The following SLBP variants were observed in gnomAD, a reference collection of about 807,000 sequenced individuals.
SLBP encodes the protein histone RNA hairpin-binding protein.
In SLBP, 29 loss-of-function variants were observed where a neutral mutation model predicts 39.2. That is an observed-to-expected ratio of 0.74 (90% CI 0.55 to 1.01). The LOEUF (loss-of-function observed/expected upper bound fraction) is 1.01, where lower values mean the gene tolerates loss of function less well. Among genes scored for constraint, SLBP ranks in the 50% least tolerant of loss-of-function variants. The probability of loss-of-function intolerance (pLI) is 0.00; values close to 1 mark genes in which losing one functional copy is unlikely to be tolerated. For synonymous variants in SLBP, 129 were observed against 118.7 expected (o/e 1.09, Z -0.57); for missense variants, 390 against 350.2 (o/e 1.11, Z -0.91).
chr4:1,710,945 G>A (rs1716740018), intron 2 of SLBP, among the ~76,000 whole-genome samples: 2 of 151,826 alleles, frequency 1.3e-5, no homozygotes. Flanking sequence ...TAGCTGCTGG[G>A]GAGGCTGAGG....
intron 2 of SLBP, among the ~76,000 whole-genome samples, chr4:1,711,641 G>A (rs1716776195): frequency 6.6e-6 from 1 of 152,206 alleles, no homozygotes; most frequent in South Asian, 2.1e-4. Flanking sequence ...GGCTAACTCG[G>A]GCTGACGCCG....
intron 5 of SLBP, among the ~76,000 whole-genome samples, chr4:1,696,650 C>T (rs919658381): frequency 6.6e-6 from 1 of 152,106 alleles, no homozygotes; most frequent in Non-Finnish European, 1.5e-5. Flanking sequence ...ATAATCCTAG[C>T]ATTTTGGGAG....
chr4:1,700,278 AAAAAAG>A, intron 3 of SLBP, among the ~76,000 whole-genome samples: 1 of 152,250 alleles, frequency 6.6e-6, no homozygotes, highest in Non-Finnish European at 1.5e-5. Flanking sequence ...GGCAGCCTTA[AAAAAAG>A]AAAAACAAAA....
chr4:1,704,926 CTTTT>C (rs111864211), intron 2 of SLBP, among the ~76,000 whole-genome samples: 2 of 146,924 alleles, frequency 1.4e-5, no homozygotes, highest in African/African-American at 5.0e-5. Flanking sequence ...CTGACCCATT[CTTTT>C]TTTTTTTTCT....
rs1469506871 is a variant in SLBP, at chr4:1,712,189, G to C, written c.-1C>G. 21 of 1,246,942 alleles carry C rather than the reference G, an allele frequency of 1.7e-5. No homozygotes were observed. The highest frequency in any genetic ancestry group is 2.1e-5 in the Non-Finnish European group (21 of 1,000,802). 77.2% of individuals were successfully genotyped at this position (1,246,942 alleles called of 1,614,324 possible). A position where few individuals can be genotyped will look rare whatever the true frequency, so the allele number is the denominator to read the frequency against. ...GCGGGCTTCGCGGGCGGCAGGCCAT[G>C]GCAGCACGGGCCGGGCGCGCAGCGC... On this transcript the variant is annotated 5_prime_UTR_variant, in exon 1 of 8. Transcript: ENST00000489418.
chr4:1,705,165 G>A (rs1039177336), intron 2 of SLBP, among the ~76,000 whole-genome samples: 2 of 152,138 alleles, frequency 1.3e-5, no homozygotes, highest in Non-Finnish European at 2.9e-5. Context: ...GACCTCAGGT[G>A]ATCCACCTGC....
At chr4:1,702,252 A>T (rs1716356277) in intron 3 of SLBP, among the ~76,000 whole-genome samples, 1 of 152,236 alleles carries the variant, frequency 6.6e-6, no homozygotes, top group Non-Finnish European at 1.5e-5. Context: ...TAAATGCAAT[A>T]ATTCACTAAA....
rs185357746 is a variant in SLBP at position 1,710,914 on chromosome 4, G to C, written c.176+960C>G. On this transcript the variant is annotated intron_variant, in intron 2 of 7. Transcript: ENST00000489418. The stretch of plus-strand genomic sequence containing the variant: ...CAAATACAAAAAGTTAGCCGGGCGC[G>C]GTGGCATGCGCCTGTAATCCTAGCT... Among the ~76,000 whole-genome samples the C allele has an allele frequency of 3.4e-4, 52 of 152,052 alleles. 1 individual carries two copies. Among genetic ancestry groups the C allele is most frequent in the Non-Finnish European group, 6.0e-4 (41 of 67,958 alleles).
chr4:1,696,084 T>G, intron 6 of SLBP, 118 bp downstream of exon 6: 1 of 793,426 alleles, frequency 1.3e-6, no homozygotes, highest in Non-Finnish European at 1.9e-6. Context: ...GCAGCTGCTC[T>G]GCTCCCCAAC....
intron 4 of SLBP, 49 bp downstream of exon 4, chr4:1,699,962 A>G (rs1456824392): frequency 7.4e-7 from 1 of 1,345,238 alleles, no homozygotes; most frequent in Admixed American, 2.2e-5. Context: ...TTTTTTTAAC[A>G]AATTACAGGT....
Position 1,693,558 on chromosome 4 carries a change from G to A in SLBP, c.*39C>T, listed in dbSNP as rs199550053. On this transcript the variant is annotated 3_prime_UTR_variant, in exon 8 of 8. Coordinates refer to ENST00000489418, the MANE Select transcript of SLBP (RefSeq NM_006527.4). ...TGCCTGGCCAGCCTTCCACCTAGTC[G>A]GGGAGGAGCTGTTTCTCTTCCTGGC... 36 of 1,237,176 alleles carry A rather than the reference G, an allele frequency of 2.9e-5. No homozygotes were observed. The highest frequency in any genetic ancestry group is 2.1e-4 in the Middle Eastern group (1 of 4,870). The allele number at this position is 1,237,176 out of a possible 1,614,324, so 76.6% of individuals were successfully genotyped here.
At chr4:1,701,906 C>CA (rs1450323193) in intron 3 of SLBP, among the ~76,000 whole-genome samples, 2 of 151,944 alleles carry the variant, frequency 1.3e-5, no homozygotes, top group African/African-American at 4.8e-5. Context: ...GACTCCATCT[C>CA]AAAAAAATAA....
chr4:1,693,459 C>A lies in SLBP; in HGVS notation c.*138G>T. On this transcript the variant is annotated 3_prime_UTR_variant, in exon 8 of 8. Transcript: ENST00000489418. ...ATTAATGTTTCTTAAGAAAGTAAGG[C>A]AAAAATAATTCAGCATGAGCTAATG... 10 of 645,648 alleles carry A rather than the reference C, an allele frequency of 1.5e-5. 1 individual carries two copies. The South Asian group carries it at 1.7e-4, about 11-fold the overall frequency. 40.0% of individuals were successfully genotyped at this position (645,648 alleles called of 1,614,324 possible).
chr4:1,711,175 C>G (rs1249365521), intron 2 of SLBP, among the ~76,000 whole-genome samples: 7 of 151,020 alleles, frequency 4.6e-5, no homozygotes, highest in Non-Finnish European at 5.9e-5. Flanking sequence ...CCTTTCACGC[C>G]TCCCATCCCC....
chr4:1,702,471 T>C (rs1716362475), intron 3 of SLBP, among the ~76,000 whole-genome samples: 1 of 152,222 alleles, frequency 6.6e-6, no homozygotes, highest in Non-Finnish European at 1.5e-5. Context: ...CTAGGTATCG[T>C]TCCGCGGCTG....
chr4:1,711,766 G>A (rs1013310952), intron 2 of SLBP, 108 bp downstream of exon 2: 12 of 516,260 alleles, frequency 2.3e-5, no homozygotes, highest in Admixed American at 8.9e-5. Context: ...AAGGACGCAG[G>A]GTGCCGACCT....
chr4:1,708,464 A>G (rs1716607233), intron 2 of SLBP, among the ~76,000 whole-genome samples: 1 of 152,256 alleles, frequency 6.6e-6, no homozygotes, highest in Non-Finnish European at 1.5e-5. Context: ...GTAGAAAGTT[A>G]TGAAATCAAA....
chr4:1,701,249 G>A (rs1045358878), intron 3 of SLBP, among the ~76,000 whole-genome samples: 1 of 148,994 alleles, frequency 6.7e-6, no homozygotes, highest in African/African-American at 2.5e-5. Flanking sequence ...GGGTCCAAGC[G>A]ATTCTCCTGC....
chr4:1,709,683 C>A (rs570456564), intron 2 of SLBP, among the ~76,000 whole-genome samples: 1 of 151,144 alleles, frequency 6.6e-6, no homozygotes, highest in African/African-American at 2.4e-5. Flanking sequence ...GCGATCTCGG[C>A]TCATCGCAAG....
Sources: gnomAD v4.1 joint callset for allele counts (sites outside exome capture counted in the v4.1 genomes callset) on GRCh38, gnomAD v4.1.1 for gene constraint, MANE v1.5 for transcripts, NCBI Gene and HGNC (gene_info 2026-07-23, HGNC 2026-07-21) for gene names.